Variants in GREM2 observed in about 807,000 individuals in gnomAD.
GREM2 encodes the protein gremlin-2.
A neutral mutation model predicts 14.2 loss-of-function variants in GREM2; 11 were observed. The observed-to-expected ratio is 0.78, with a 90% confidence interval of 0.49 to 1.28. The LOEUF (loss-of-function observed/expected upper bound fraction) is 1.28. Ranked by LOEUF, GREM2 falls within the 50% of genes most tolerant of loss-of-function variation. GREM2 has a pLI of 0.00. For missense variants in GREM2, 210 were observed against 218.5 expected (o/e 0.96, Z 0.24); for synonymous variants, 98 against 97.6 (o/e 1.00, Z -0.02).
chr1:240,507,299 C>T (rs1677698484), intron 1 of GREM2, among the ~76,000 whole-genome samples: 1 of 148,868 alleles, frequency 6.7e-6, no homozygotes. Flanking sequence ...CTCCCTCCCT[C>T]CCTTCCTTCC....
At chr1:240,508,799 G>C (rs1047005420) in intron 1 of GREM2, among the ~76,000 whole-genome samples, 3 of 152,182 alleles carry the variant, frequency 2.0e-5, no homozygotes, top group Non-Finnish European at 2.9e-5. Flanking sequence ...TGGGAATGCA[G>C]ATTCCAGGTC....
chr1:240,557,244 G>A (rs985555285), intron 1 of GREM2, among the ~76,000 whole-genome samples: 5 of 151,304 alleles, frequency 3.3e-5, no homozygotes, highest in African/African-American at 4.8e-5. Flanking sequence ...AACGAATCAC[G>A]GGAAGAGAGA....
chr1:240,511,343 C>A (rs564097371), intron 1 of GREM2, among the ~76,000 whole-genome samples: 58 of 152,294 alleles, frequency 3.8e-4, no homozygotes, highest in African/African-American at 1.3e-3. Flanking sequence ...CAACTATTTA[C>A]ATAGCATTTT....
At chr1:240,610,896 A>T (rs16840434) in intron 1 of GREM2, among the ~76,000 whole-genome samples, 16,277 of 152,168 alleles carry the variant, frequency 0.11, 1,065 homozygotes, top group African/African-American at 0.18. Context: ...CAATTTTTTA[A>T]CTGACTTCTT....
At chr1:240,512,065 G>A (rs564030599) in intron 1 of GREM2, among the ~76,000 whole-genome samples, 2 of 152,256 alleles carry the variant, frequency 1.3e-5, no homozygotes, top group Admixed American at 6.5e-5. Flanking sequence ...CATTTTAATT[G>A]TAATTTTTGT....
intron 1 of GREM2, among the ~76,000 whole-genome samples, chr1:240,546,811 C>G (rs1427300653): frequency 2.6e-5 from 4 of 152,066 alleles, no homozygotes; most frequent in Admixed American, 6.6e-5. Flanking sequence ...TTACTAAATG[C>G]TAGCATCTTA....
chr1:240,608,362 T>G lies in GREM2; in HGVS notation c.-2+3522A>C, dbSNP rs370333694. Among the ~76,000 whole-genome samples, 25 of 152,354 alleles carry G rather than the reference T, an allele frequency of 1.6e-4. No individual in the cohort carries two copies. In the East Asian group the frequency reaches 4.6e-3, roughly 28 times the overall value. ...GAAATCTCATTACAGAGCTGCTGGA[T>G]TTTTATTAACTCTAAGTACAATGTC... On this transcript the variant is annotated intron_variant, in intron 1 of 1. Coordinates refer to ENST00000318160, the MANE Select transcript of GREM2 (RefSeq NM_022469.4).
intron 1 of GREM2, among the ~76,000 whole-genome samples, chr1:240,541,186 G>T (rs577377699): frequency 6.6e-6 from 1 of 152,132 alleles, no homozygotes; most frequent in East Asian, 1.9e-4. Flanking sequence ...AGTCTGAGTC[G>T]AAATGAAGGT....
At chr1:240,589,405 A>G (rs1679663236) in intron 1 of GREM2, among the ~76,000 whole-genome samples, 1 of 151,876 alleles carries the variant, frequency 6.6e-6, no homozygotes, top group Admixed American at 6.6e-5. Flanking sequence ...ATTGCACTCC[A>G]GCCTGGGCAA....
In GREM2 at chr1:240,543,355, G is replaced by A. The variant is rs1248892106; in HGVS notation, c.-1-49879C>T. Among the ~76,000 whole-genome samples the A allele has an allele frequency of 2.0e-5, 3 of 152,166 alleles. No individual in the cohort carries two copies. Among genetic ancestry groups the A allele is most frequent in the Non-Finnish European group, 4.4e-5 (3 of 68,038 alleles). On this transcript the variant is annotated intron_variant, in intron 1 of 1. Coordinates refer to ENST00000318160, the MANE Select transcript of GREM2 (RefSeq NM_022469.4). This position sits in a 1 kb window ranked among gnomAD's most constrained non-coding sequence, Gnocchi z 6.4. ...CTCACAGTTCCACATGGCTGGGGAG[G>A]CCTCACAATCAAGGCAGAAGACAAA...
chr1:240,595,011 A>T (rs1442137762), intron 1 of GREM2, among the ~76,000 whole-genome samples: 1 of 152,230 alleles, frequency 6.6e-6, no homozygotes, highest in East Asian at 1.9e-4. Context: ...TGTCTTGACC[A>T]AAATGTCATT....
At chr1:240,546,341 TAAA>T (rs10610583) in intron 1 of GREM2, among the ~76,000 whole-genome samples, 28 of 146,258 alleles carry the variant, frequency 1.9e-4, no homozygotes, top group East Asian at 4.0e-4. Context: ...AGACTCAGTC[TAAA>T]AAAAAAAAAA....
At chr1:240,584,230 C>T (rs1679545962) in intron 1 of GREM2, among the ~76,000 whole-genome samples, 1 of 152,098 alleles carries the variant, frequency 6.6e-6, no homozygotes, top group African/African-American at 2.4e-5. Flanking sequence ...CGCAGTGGCT[C>T]ATGCCTGTAA....
At chr1:240,541,417 A>G (rs12753937) in intron 1 of GREM2, among the ~76,000 whole-genome samples, 13,858 of 152,270 alleles carry the variant, frequency 0.091, 765 homozygotes, top group African/African-American at 0.15. Context: ...CTCTTTAGCC[A>G]AATTCTCCAG....
chr1:240,539,195 T>C (rs1282311491), intron 1 of GREM2, among the ~76,000 whole-genome samples: 1 of 152,288 alleles, frequency 6.6e-6, no homozygotes, highest in East Asian at 1.9e-4. Flanking sequence ...CCATCCCTTA[T>C]GGATTTCTTA....
intron 1 of GREM2, among the ~76,000 whole-genome samples, chr1:240,585,633 G>A (rs1679582855): frequency 6.6e-6 from 1 of 150,642 alleles, no homozygotes; most frequent in African/African-American, 2.4e-5. Flanking sequence ...AGGAGGCTGA[G>A]GCAGGAGAAT....
chr1:240,505,785 T>C (rs1677663796), intron 1 of GREM2, among the ~76,000 whole-genome samples: 2 of 151,958 alleles, frequency 1.3e-5, no homozygotes, highest in Admixed American at 6.6e-5. Flanking sequence ...AAGCCTTTTA[T>C]ATATAAAACC....
intron 1 of GREM2, among the ~76,000 whole-genome samples, chr1:240,583,189 T>G (rs574638032): frequency 1.4e-4 from 21 of 152,296 alleles, no homozygotes; most frequent in African/African-American, 5.1e-4. Context: ...ATGTGACACT[T>G]TCGAAATAAT....
intron 1 of GREM2, among the ~76,000 whole-genome samples, chr1:240,569,397 T>G (rs547652541): frequency 5.3e-4 from 81 of 152,318 alleles, no homozygotes; most frequent in African/African-American, 1.9e-3. Flanking sequence ...AAAACTATTT[T>G]GAAAAAGAAT....
Sources: gnomAD v4.1 joint callset for allele counts (sites outside exome capture counted in the v4.1 genomes callset) on GRCh38, gnomAD v4.1.1 for gene constraint, Gnocchi (gnomAD v3.1) non-coding constraint, MANE v1.5 for transcripts, NCBI Gene and HGNC (gene_info 2026-07-23, HGNC 2026-07-21) for gene names.